Variants in IFT56 observed in about 807,000 individuals in gnomAD.
IFT56 encodes intraflagellar transport protein 56.
chr7:139,143,816 C>T, the IFT56 span, among the ~76,000 whole-genome samples: 7 of 151,836 alleles, frequency 4.6e-5, no homozygotes, highest in African/African-American at 1.7e-4. Flanking sequence ...TATATTTATC[C>T]TCGATTTGCT....
At chr7:139,191,122 A>G in the IFT56 span, 1 of 152,316 alleles carries the variant, frequency 6.6e-6, no homozygotes, top group South Asian at 2.1e-4. Context: ...ACTCATGAGG[A>G]TGGCCAGTTT....
chr7:139,166,962 T>C, the IFT56 span: 2 of 1,056,928 alleles, frequency 1.9e-6, no homozygotes, highest in African/African-American at 1.6e-5. Context: ...AGAAATTTAG[T>C]TGGAAGTCAT....
chr7:139,135,769 A>G, the IFT56 span, among the ~76,000 whole-genome samples: 1 of 152,112 alleles, frequency 6.6e-6, no homozygotes, highest in Non-Finnish European at 1.5e-5. Context: ...AAGAATGAAG[A>G]GTTCTGACAG....
chr7:139,167,028 T>C, the IFT56 span: 1 of 530,612 alleles, frequency 1.9e-6, no homozygotes, highest in South Asian at 3.1e-5. Context: ...AGACCATATG[T>C]ATTCATTCAG....
the IFT56 span, among the ~76,000 whole-genome samples, chr7:139,170,450 T>C: frequency 6.6e-6 from 1 of 151,588 alleles, no homozygotes; most frequent in African/African-American, 2.4e-5. Flanking sequence ...GATGAAAAAA[T>C]TGTTAACAAA....
At chr7:139,181,142 G>C in the IFT56 span, 3 of 1,612,848 alleles carry the variant, frequency 1.9e-6, no homozygotes, top group African/African-American at 1.3e-5. Context: ...TCTTAAGATG[G>C]AAACCTCCGG....
At chr7:139,153,459 A>C in the IFT56 span, among the ~76,000 whole-genome samples, 7 of 151,728 alleles carry the variant, frequency 4.6e-5, no homozygotes, top group African/African-American at 1.7e-4. Context: ...AAAAAAAAAA[A>C]AGTCATACTC....
the IFT56 span, chr7:139,134,629 T>C: frequency 6.3e-7 from 1 of 1,593,800 alleles, no homozygotes; most frequent in Non-Finnish European, 8.5e-7. Context: ...AATTGGACCA[T>C]ACAGCTGTCT....
chr7:139,134,269 T>G, the IFT56 span, among the ~76,000 whole-genome samples: 1 of 139,046 alleles, frequency 7.2e-6, no homozygotes, highest in South Asian at 2.2e-4. Flanking sequence ...GGATTTGACT[T>G]ATAATTTTTT....
chr7:139,175,913 TC>T, the IFT56 span, among the ~76,000 whole-genome samples: 1 of 152,150 alleles, frequency 6.6e-6, no homozygotes, highest in South Asian at 2.1e-4. Flanking sequence ...CACTGCAACC[TC>T]CGCCTCCCGG....
At chr7:139,169,287 A>G in the IFT56 span, 2 of 1,613,842 alleles carry the variant, frequency 1.2e-6, no homozygotes, top group Non-Finnish European at 1.7e-6. Context: ...TTTGTTTTTC[A>G]GAGGGATCAT....
At chr7:139,172,162 A>G in the IFT56 span, among the ~76,000 whole-genome samples, 1 of 152,216 alleles carries the variant, frequency 6.6e-6, no homozygotes, top group Non-Finnish European at 1.5e-5. Flanking sequence ...AATGCTAACA[A>G]ATAAAAAAAC....
chr7:139,165,903 A>G, the IFT56 span, among the ~76,000 whole-genome samples: 2,542 of 152,268 alleles, frequency 0.017, 37 homozygotes, highest in South Asian at 0.032. Context: ...AAATGTATTT[A>G]TTAAAATAAG....
chr7:139,162,643 C>T, the IFT56 span, among the ~76,000 whole-genome samples: 4 of 152,062 alleles, frequency 2.6e-5, no homozygotes, highest in African/African-American at 9.7e-5. Context: ...TCTGTGTTCT[C>T]ATATGTAGAA....
the IFT56 span, among the ~76,000 whole-genome samples, chr7:139,165,506 T>G: frequency 6.6e-6 from 1 of 152,286 alleles, no homozygotes; most frequent in East Asian, 1.9e-4. Context: ...TTCTTTTTCA[T>G]TGTTTTTCCT....
chr7:139,148,110 T>C, the IFT56 span: 2 of 1,161,200 alleles, frequency 1.7e-6, no homozygotes, highest in Non-Finnish European at 2.5e-6. Context: ...GGCAGGTTCA[T>C]GAACTGTCCT....
At chr7:139,181,271 G>T in the IFT56 span, 1 of 1,166,406 alleles carries the variant, frequency 8.6e-7, no homozygotes, top group Admixed American at 2.0e-5. Context: ...AATATTAGGG[G>T]AAAATGTCCT....
chr7:139,134,584 A>G, the IFT56 span: 8 of 1,493,146 alleles, frequency 5.4e-6, no homozygotes, highest in South Asian at 9.8e-5. Context: ...TATAAATTAC[A>G]GAGCTGTCAC....
the IFT56 span, among the ~76,000 whole-genome samples, chr7:139,153,722 T>C: frequency 6.6e-6 from 1 of 152,238 alleles, no homozygotes; most frequent in Non-Finnish European, 1.5e-5. Flanking sequence ...TTTAGTTTTT[T>C]CCATTCATCA....
Sources: gnomAD v4.1 joint callset for allele counts (sites outside exome capture counted in the v4.1 genomes callset) on GRCh38, gnomAD v4.1.1 for gene constraint, MANE v1.5 for transcripts, NCBI Gene and HGNC (gene_info 2026-07-23, HGNC 2026-07-21) for gene names.